ECHDC1: variants seen among roughly 807,000 people sequenced by gnomAD.
The protein encoded by ECHDC1 is ethylmalonyl-CoA decarboxylase.
In ECHDC1, 29 loss-of-function variants were observed where a neutral mutation model predicts 29.7. The observed-to-expected ratio is 0.98, with a 90% CI of 0.73 to 1.33. ECHDC1 has a LOEUF of 1.33. Among genes scored for constraint, ECHDC1 ranks in the 40% most tolerant of loss-of-function variants. ECHDC1 has a pLI of 0.00. For missense variants in ECHDC1, 328 were observed against 350.0 expected, an observed-to-expected ratio of 0.94 and a Z score of 0.50; for synonymous variants, 126 against 123.1, an observed-to-expected ratio of 1.02 and a Z score of -0.15.
chr6:127,342,500 G>C (rs1295885385), intron 1 of ECHDC1: 4 of 850,656 alleles, frequency 4.7e-6, no homozygotes, highest in Non-Finnish European at 5.2e-6. Context: ...CTATTACTGC[G>C]CTGCTCCCTC....
At chr6:127,296,355 C>A (rs1230960227) in intron 5 of ECHDC1, among the ~76,000 whole-genome samples, 2 of 152,040 alleles carry the variant, frequency 1.3e-5, no homozygotes, top group Admixed American at 1.3e-4. Flanking sequence ...TCACACCCGG[C>A]TAAATTTTTA....
intron 3 of ECHDC1, among the ~76,000 whole-genome samples, chr6:127,325,419 TTTTTTC>T (rs1458669381): frequency 6.6e-6 from 1 of 152,124 alleles, no homozygotes; most frequent in Admixed American, 6.5e-5. Flanking sequence ...GTGGAGTTTC[TTTTTTC>T]TTTTTAACAC....
intron 5 of ECHDC1, among the ~76,000 whole-genome samples, chr6:127,303,194 C>G (rs544547574): frequency 6.6e-6 from 1 of 151,896 alleles, no homozygotes; most frequent in East Asian, 1.9e-4. Context: ...TTTTCTCATT[C>G]TATTTCTACT....
rs1779993530 is a variant in ECHDC1, at chr6:127,290,020, T to G, written c.755A>C (p.Glu252Ala). The G allele has an allele frequency of 4.3e-6, 7 of 1,613,742 alleles. No homozygotes were observed. The East Asian group carries it at 1.1e-4, about 26-fold the overall frequency. The change falls in exon 6 of 6, where the codon GAA becomes GCA. Residue 252 changes from glutamate to alanine, a missense_variant. Transcript: ENST00000454859. ...AGATTTTTTCAAAGCTCTAATTACT[T>G]CCGGTGGCCCTTGGATGAATTGCTT... ...WLKQFIQGPP[E>A]VIRALKKSVC...
At chr6:127,293,803 A>T (rs190155659) in intron 5 of ECHDC1, among the ~76,000 whole-genome samples, 9 of 152,300 alleles carry the variant, frequency 5.9e-5, no homozygotes, top group African/African-American at 2.2e-4. Context: ...TAAAAATAAC[A>T]GTAGTGTTTC....
At chr6:127,315,678 T>C (rs3798853) in intron 4 of ECHDC1, 197,996 of 271,534 alleles carry the variant, frequency 0.73, 72,749 homozygotes, top group East Asian at 0.78. Flanking sequence ...TATGAAAAAG[T>C]CAAATGCAAT....
intron 1 of ECHDC1, among the ~76,000 whole-genome samples, chr6:127,332,497 A>T (rs1047851415): frequency 4.6e-5 from 7 of 152,132 alleles, no homozygotes; most frequent in African/African-American, 1.4e-4. Context: ...GACATGGGAC[A>T]TCAATCAATA....
intron 1 of ECHDC1, among the ~76,000 whole-genome samples, chr6:127,339,721 C>T (rs1230260930): frequency 2.0e-5 from 3 of 148,042 alleles, no homozygotes; most frequent in Non-Finnish European, 4.5e-5. Flanking sequence ...TGCAGTGAGC[C>T]AAGATCACAC....
intron 5 of ECHDC1, among the ~76,000 whole-genome samples, chr6:127,304,308 C>T (rs1378079821): frequency 2.6e-5 from 4 of 152,178 alleles, no homozygotes; most frequent in Non-Finnish European, 5.9e-5. Context: ...AAGGCAGTAT[C>T]TCCAGAAGTC....
chr6:127,342,591 C>T, intron 1 of ECHDC1: 2 of 494,976 alleles, frequency 4.0e-6, no homozygotes, highest in Non-Finnish European at 7.2e-6. Flanking sequence ...AAGAAGGAGC[C>T]CTTTGTTTTC....
chr6:127,309,878 C>A (rs1781761356), intron 5 of ECHDC1, among the ~76,000 whole-genome samples: 1 of 152,154 alleles, frequency 6.6e-6, no homozygotes, highest in Non-Finnish European at 1.5e-5. Flanking sequence ...CACTTTTAAA[C>A]CACCAGTTCT....
At chr6:127,315,421 A>G in intron 4 of ECHDC1, 1 of 274,284 alleles carries the variant, frequency 3.6e-6, no homozygotes, top group Non-Finnish European at 7.2e-6. Flanking sequence ...AATAATCCAC[A>G]GACTAATCCT....
rs530681189 is a variant in ECHDC1 at position 127,316,551 on chromosome 6, A to T, written c.364-49T>A. On this transcript the variant is annotated intron_variant, in intron 3 of 5. Coordinates refer to ENST00000454859, the MANE Select transcript of ECHDC1 (RefSeq NM_001002030.2). ...CACAAAGGTATAATGCAAATATATTACATTAAATTTTTTAAATTAAGGTTT... is the reference window on the plus strand; with the variant it reads ...CACAAAGGTATAATGCAAATATATTTCATTAAATTTTTTAAATTAAGGTTT... 415 of 1,465,874 alleles carry T rather than the reference A, an allele frequency of 2.8e-4. 2 individuals are homozygous for T. The Middle Eastern group carries it at 3.1e-3, about 11-fold the overall frequency. The allele number at this position is 1,465,874 out of a possible 1,614,324, so 90.8% of individuals were successfully genotyped here. A position where few individuals can be genotyped will look rare whatever the true frequency, so the allele number is the denominator to read the frequency against.
chr6:127,318,023 TA>T (rs1782541120), intron 3 of ECHDC1: 1 of 152,204 alleles, frequency 6.6e-6, no homozygotes, highest in African/African-American at 2.4e-5. Flanking sequence ...TTTTTCCTCT[TA>T]AATATAATCT....
intron 5 of ECHDC1, among the ~76,000 whole-genome samples, chr6:127,300,016 CA>C (rs1405821155): frequency 6.6e-6 from 1 of 152,098 alleles, no homozygotes; most frequent in Non-Finnish European, 1.5e-5. Context: ...TAGTAAGCTG[CA>C]CCCTAGATGG....
rs868735352 is a variant in ECHDC1, at chr6:127,316,847, A to T, written c.364-345T>A. On this transcript the variant is annotated intron_variant, in intron 3 of 5. Coordinates refer to ENST00000454859, the MANE Select transcript of ECHDC1 (RefSeq NM_001002030.2). ...GTTATCCTTAAGATGATAAACATAT[A>T]AGAGAAGAAGGGAAAGAAGGGAAAA... Among the ~76,000 whole-genome samples, 71 of 152,200 alleles carry T rather than the reference A, an allele frequency of 4.7e-4. No homozygotes were observed. In the Middle Eastern group the frequency reaches 0.014, roughly 29 times the overall value.
At chr6:127,327,292 G>C (rs1320869229) in intron 2 of ECHDC1, 148 bp from the exon 3 acceptor site, 1 of 853,578 alleles carries the variant, frequency 1.2e-6, no homozygotes. Context: ...TACTGCACTG[G>C]CACTATGGAG....
chr6:127,333,046 GC>G (rs1177471586), intron 1 of ECHDC1, among the ~76,000 whole-genome samples: 1 of 152,208 alleles, frequency 6.6e-6, no homozygotes, highest in African/African-American at 2.4e-5. Flanking sequence ...ACCCACCTTG[GC>G]TTCCCAAAGT....
chr6:127,331,205 T>C (rs1783913663), intron 1 of ECHDC1, among the ~76,000 whole-genome samples, 175 bp from the exon 2 acceptor site: 1 of 151,010 alleles, frequency 6.6e-6, no homozygotes, highest in Non-Finnish European at 1.5e-5. Context: ...TGGAGTACAG[T>C]GAAGCTCTCA....
Sources: gnomAD v4.1 joint callset for allele counts (sites outside exome capture counted in the v4.1 genomes callset) on GRCh38, gnomAD v4.1.1 for gene constraint, MANE v1.5 for transcripts, NCBI Gene and HGNC (gene_info 2026-07-23, HGNC 2026-07-21) for gene names.